FKBP14: variants seen among roughly 807,000 people sequenced by gnomAD.
FKBP14 encodes the protein peptidyl-prolyl cis-trans isomerase FKBP14.
FKBP14 carries 20 observed loss-of-function variants against 21.6 expected under a neutral mutation model. The observed-to-expected ratio is 0.92, with a 90% confidence interval of 0.65 to 1.34. The LOEUF (loss-of-function observed/expected upper bound fraction) is 1.34. Ranked by LOEUF, FKBP14 falls within the 40% of genes most tolerant of loss-of-function variation. The pLI is 0.00. For synonymous variants in FKBP14, 79 were observed against 86.7 expected, an observed-to-expected ratio of 0.91 and a Z score of 0.49; for missense variants, 253 against 249.0, an observed-to-expected ratio of 1.02 and a Z score of -0.11.
intron 2 of FKBP14, among the ~76,000 whole-genome samples, chr7:30,019,897 T>C (rs1226693053): frequency 1.3e-5 from 2 of 152,136 alleles, no homozygotes; most frequent in Non-Finnish European, 2.9e-5. Flanking sequence ...ATTATATATA[T>C]GTTGAAGACA....
downstream of FKBP14, among the ~76,000 whole-genome samples, chr7:30,008,042 C>T (rs756463086): frequency 2.0e-5 from 3 of 151,698 alleles, no homozygotes; most frequent in Non-Finnish European, 2.9e-5. Flanking sequence ...AAGCAGGACT[C>T]TGTCTCAACA....
intron 2 of FKBP14, among the ~76,000 whole-genome samples, chr7:30,019,881 T>C (rs1789985637): frequency 6.6e-6 from 1 of 152,108 alleles, no homozygotes; most frequent in Non-Finnish European, 1.5e-5. Context: ...ACCTCTGATA[T>C]AGAACATTAT....
At chr7:30,017,493 C>T (rs555388538) in intron 3 of FKBP14, among the ~76,000 whole-genome samples, 12 of 151,826 alleles carry the variant, frequency 7.9e-5, no homozygotes, top group South Asian at 6.3e-4. Context: ...CGCTTGAACC[C>T]GGGACACAGA....
chr7:30,026,252 A>G (rs999896657), intron 1 of FKBP14, 60 bp downstream of exon 1: 14 of 1,465,662 alleles, frequency 9.6e-6, no homozygotes, highest in Non-Finnish European at 1.3e-5. Context: ...CCTGCTGGAG[A>G]GCTGGCATAA....
downstream of FKBP14, among the ~76,000 whole-genome samples, chr7:30,009,314 C>G (rs979717170): frequency 6.6e-6 from 1 of 151,430 alleles, no homozygotes; most frequent in Non-Finnish European, 1.5e-5. Flanking sequence ...CTCACTTCAA[C>G]CTCCACCTCC....
chr7:30,026,209 T>C (rs1207610450), intron 1 of FKBP14, 103 bp downstream of exon 1: 14 of 1,163,284 alleles, frequency 1.2e-5, no homozygotes, highest in African/African-American at 3.1e-5. Context: ...TTCGGTTTTG[T>C]AAAAGAGGCA....
intron 1 of FKBP14, among the ~76,000 whole-genome samples, chr7:30,023,141 C>G (rs979462565): frequency 7.2e-5 from 11 of 152,180 alleles, no homozygotes; most frequent in African/African-American, 2.7e-4. Context: ...TTAACCCTTA[C>G]AATAAGTCTA....
chr7:30,025,791 C>G (rs1790157838), intron 1 of FKBP14: 2 of 152,338 alleles, frequency 1.3e-5, no homozygotes, highest in African/African-American at 4.8e-5. Flanking sequence ...TGGTCCTGTG[C>G]CTTGACCAAA....
At chr7:30,019,572 A>T (rs1046626047) in intron 2 of FKBP14, among the ~76,000 whole-genome samples, 3 of 152,150 alleles carry the variant, frequency 2.0e-5, no homozygotes, top group Non-Finnish European at 4.4e-5. Flanking sequence ...TGCCATTTCT[A>T]CCACTAGAAG....
chr7:30,020,449 A>G (rs1790001886), intron 2 of FKBP14: 2 of 338,986 alleles, frequency 5.9e-6, no homozygotes, highest in South Asian at 2.4e-5. Flanking sequence ...GACTAATACA[A>G]CGTACAGTAG....
chr7:30,026,186 G>A, intron 1 of FKBP14, 126 bp downstream of exon 1: 1 of 895,374 alleles, frequency 1.1e-6, no homozygotes, highest in East Asian at 2.5e-5. Flanking sequence ...TCCCAAAGAA[G>A]GAAATAAGAT....
In FKBP14 at chr7:30,011,526, TACACACACC is replaced by T. The variant is rs1562834264; in HGVS notation, c.*3200_*3208del. 4.2e-5 allele frequency: 6 copies of T among 144,410 alleles called. No individual in the cohort carries two copies. Among genetic ancestry groups the T allele is most frequent in the African/African-American group, 1.0e-4 (4 of 39,128 alleles). The allele number at this position is 144,410 out of a possible 1,614,324, so 8.9% of individuals were successfully genotyped here. ...TACAGGTATACCATATATATATATA[TACACACACC>T]ATATATATATATACTATATATATAT... On this transcript the variant is annotated 3_prime_UTR_variant, in exon 4 of 4. Transcript: ENST00000222803.
At chr7:30,019,487 TC>T (rs1789975722) in intron 2 of FKBP14, among the ~76,000 whole-genome samples, 1 of 152,148 alleles carries the variant, frequency 6.6e-6, no homozygotes, top group African/African-American at 2.4e-5. Context: ...TTTAGATAAT[TC>T]GGAGTTAAGT....
At position 30,014,069 on chromosome 7, in the gene FKBP14, G is replaced by T. The variant is rs1485821022; in HGVS notation, c.*666C>A. The T allele has an allele frequency of 6.6e-6, 1 of 152,020 alleles. No individual in the cohort carries two copies. The highest frequency in any genetic ancestry group is 2.1e-4 in the South Asian group (1 of 4,824). 9.4% of individuals were successfully genotyped at this position (152,020 alleles called of 1,614,324 possible). A position where few individuals can be genotyped will look rare whatever the true frequency, so the allele number is the denominator to read the frequency against. On this transcript the variant is annotated 3_prime_UTR_variant, in exon 4 of 4. Coordinates refer to ENST00000222803, the MANE Select transcript of FKBP14 (RefSeq NM_017946.4). ...GTAGAGATAGGGTTTCTCCGTGTTG[G>T]TCAGGCTGGTCTCGAACTCCCAACC...
intron 2 of FKBP14, among the ~76,000 whole-genome samples, chr7:30,021,430 G>T (rs1790028592): frequency 6.6e-6 from 1 of 152,040 alleles, no homozygotes; most frequent in African/African-American, 2.4e-5. Context: ...ACTTACGACA[G>T]TTCCAATTTT....
intron 3 of FKBP14, among the ~76,000 whole-genome samples, chr7:30,016,766 G>A (rs1412176925): frequency 6.6e-6 from 1 of 152,090 alleles, no homozygotes; most frequent in East Asian, 1.9e-4. Flanking sequence ...TCACCACAAT[G>A]AAAATCAGCC....
At chr7:30,015,917 G>A (rs1309354188) in intron 3 of FKBP14, among the ~76,000 whole-genome samples, 8 of 148,662 alleles carry the variant, frequency 5.4e-5, no homozygotes, top group South Asian at 2.1e-4. Flanking sequence ...GAGCCACCGC[G>A]CCCGGCCTTT....
chr7:30,017,687 G>A (rs377415661), intron 3 of FKBP14, among the ~76,000 whole-genome samples: 145 of 152,174 alleles, frequency 9.5e-4, no homozygotes, highest in African/African-American at 3.5e-3. Context: ...AGGATTACAA[G>A]TGTGAGCCAC....
Position 30,017,415 on chromosome 7 carries a change from G to A in FKBP14, c.477+1581C>T, listed in dbSNP as rs139359216. Among the ~76,000 whole-genome samples the A allele has an allele frequency of 6.1e-4, 92 of 151,588 alleles. 1 individual carries two copies. Among genetic ancestry groups the A allele is most frequent in the Middle Eastern group, 3.4e-3 (1 of 292 alleles). ...GAAACCCTGTCTCTATTAAAAATAC[G>A]ACAATTAGCTGGGTATGGTGGCGTG... On this transcript the variant is annotated intron_variant, in intron 3 of 3. Coordinates refer to ENST00000222803, the MANE Select transcript of FKBP14 (RefSeq NM_017946.4).
Sources: gnomAD v4.1 joint callset for allele counts (sites outside exome capture counted in the v4.1 genomes callset) on GRCh38, gnomAD v4.1.1 for gene constraint, MANE v1.5 for transcripts, NCBI Gene and HGNC (gene_info 2026-07-23, HGNC 2026-07-21) for gene names.